ACOT11: variants seen among roughly 807,000 people sequenced by gnomAD.
ACOT11 encodes the protein acyl-CoA thioesterase 11, also known as acyl-coenzyme A thioesterase 11.
In ACOT11, 69 loss-of-function variants were observed where a neutral mutation model predicts 77.5. The observed-to-expected ratio is 0.89, with a 90% CI of 0.73 to 1.09. ACOT11 has a LOEUF of 1.09. Among genes scored for constraint, ACOT11 ranks in the 50% least tolerant of loss-of-function variants. The probability of loss-of-function intolerance (pLI) is 0.00; values close to 1 mark genes in which losing one functional copy is unlikely to be tolerated. For missense variants in ACOT11, 766 were observed against 813.7 expected (o/e 0.94, Z 0.71); for synonymous variants, 279 against 313.0 (o/e 0.89, Z 1.15).
In ACOT11 at chr1:54,584,652, C is replaced by T. The variant is rs1478156897; in HGVS notation, c.34-3C>T. On this transcript the variant is annotated splice_region_variant and splice_polypyrimidine_tract_variant and intron_variant, in intron 1 of 15. Transcript: ENST00000343744. This position sits in a 1 kb window ranked among gnomAD's most constrained non-coding sequence, Gnocchi z 6.3. ...TCCCCACCTGTCCCCACCTGTACCC[C>T]AGGGCTTGGCCTCTGTGTTCTCCAA... is the stretch of plus-strand genomic sequence containing the variant. 6.2e-7 allele frequency: 1 copy of T among 1,613,748 alleles called. No individual in the cohort carries two copies. Among genetic ancestry groups the T allele is most frequent in the Non-Finnish European group, 8.5e-7 (1 of 1,179,832 alleles).
At chr1:54,603,817 T>C in intron 10 of ACOT11, 54 bp from the exon 11 acceptor site, 2 of 1,548,206 alleles carry the variant, frequency 1.3e-6, no homozygotes, top group African/African-American at 2.7e-5. Flanking sequence ...GTAGAGTCTG[T>C]GGAAAGTGCT....
chr1:54,631,139 T>G (rs1338398010), intron 16 of ACOT11, among the ~76,000 whole-genome samples: 3 of 152,174 alleles, frequency 2.0e-5, no homozygotes, highest in Non-Finnish European at 4.4e-5. Flanking sequence ...GATCTTTCTT[T>G]TCCGGAGGAC....
At chr1:54,610,638 G>A, downstream of ACOT11, 5 of 1,542,800 alleles carry the variant, frequency 3.2e-6, no homozygotes, top group Non-Finnish European at 4.4e-6. Context: ...ATAGGCCACA[G>A]CTCTACGGGC....
intron 15 of ACOT11, among the ~76,000 whole-genome samples, chr1:54,629,580 C>T (rs1644289571): frequency 7.5e-6 from 1 of 132,532 alleles, no homozygotes; most frequent in African/African-American, 2.6e-5. Flanking sequence ...GCCCCCGTGC[C>T]CGGCCTGTTT....
At chr1:54,620,530 A>C (rs1397125706) in intron 15 of ACOT11, among the ~76,000 whole-genome samples, 2 of 151,906 alleles carry the variant, frequency 1.3e-5, no homozygotes, top group Non-Finnish European at 2.9e-5. Flanking sequence ...ACATGGTGAA[A>C]CCATGTCTCT....
intron 1 of ACOT11, among the ~76,000 whole-genome samples, chr1:54,580,073 A>G (rs1006195836): frequency 6.6e-6 from 1 of 152,156 alleles, no homozygotes; most frequent in Middle Eastern, 3.2e-3. Context: ...TTTCCTCCCT[A>G]TGATGATTCT....
chr1:54,601,181 ATG>A (rs1161128674), intron 8 of ACOT11, 86 bp from the exon 9 acceptor site: 37 of 1,475,766 alleles, frequency 2.5e-5, no homozygotes, highest in East Asian at 6.9e-5. Flanking sequence ...GCATGTGTGC[ATG>A]TGTGTGTGTG....
downstream of ACOT11, chr1:54,612,769 T>A: frequency 7.6e-7 from 1 of 1,318,366 alleles, no homozygotes; most frequent in South Asian, 1.2e-5. Flanking sequence ...TCCTCTCCTC[T>A]GGGGTCTCAT....
chr1:54,573,294 T>G, intron 1 of ACOT11: 5 of 948,786 alleles, frequency 5.3e-6, no homozygotes, highest in Non-Finnish European at 6.3e-6. Flanking sequence ...GTCTCAGCTC[T>G]GCCCTTTCCT....
intron 15 of ACOT11, chr1:54,616,196 T>C (rs780397360): frequency 6.3e-7 from 1 of 1,578,674 alleles, no homozygotes; most frequent in Non-Finnish European, 8.6e-7. Flanking sequence ...AACAACTCAG[T>C]GAGTTCCTTT....
At chr1:54,596,516 C>A (rs538446387) in intron 6 of ACOT11, among the ~76,000 whole-genome samples, 2 of 152,334 alleles carry the variant, frequency 1.3e-5, no homozygotes, top group East Asian at 3.9e-4. Flanking sequence ...ATCACCAGGG[C>A]AGAAGGCAGG....
At chr1:54,610,332 G>C (rs988427880), downstream of ACOT11, 54 of 1,560,334 alleles carry the variant, frequency 3.5e-5, 1 homozygote, top group Admixed American at 9.5e-4. Flanking sequence ...CATGGCAACA[G>C]AGACCGGCGG....
chr1:54,630,844 A>C, exon 16 of ACOT11: 1 of 765,846 alleles, frequency 1.3e-6, no homozygotes, highest in Non-Finnish European at 2.4e-6. Context: ...GGAATGGAAA[A>C]CTAGCTGGAG....
intron 3 of ACOT11, among the ~76,000 whole-genome samples, chr1:54,586,422 G>T (rs1056832420): frequency 2.0e-5 from 3 of 149,304 alleles, no homozygotes; most frequent in African/African-American, 7.6e-5. Context: ...TACTAAAGTA[G>T]ACTTTTTTTT....
intron 1 of ACOT11, among the ~76,000 whole-genome samples, chr1:54,576,749 T>C (rs1009276074): frequency 5.3e-5 from 8 of 152,146 alleles, no homozygotes; most frequent in African/African-American, 1.9e-4. Flanking sequence ...TTTGTGAGGA[T>C]GGCTTCAGTG....
At chr1:54,597,439 T>A in intron 7 of ACOT11, 24 bp downstream of exon 7, 1 of 1,589,054 alleles carries the variant, frequency 6.3e-7, no homozygotes, top group Non-Finnish European at 8.6e-7. Context: ...GTGCTGCCTC[T>A]GCCTCCCCTC....
At chr1:54,556,052 T>A (rs1277792960) in intron 1 of ACOT11, among the ~76,000 whole-genome samples, 1 of 152,144 alleles carries the variant, frequency 6.6e-6, no homozygotes, top group East Asian at 1.9e-4. Context: ...CTGGCCTGAT[T>A]TTTTTATACA....
At chr1:54,573,297 C>G (rs773271989) in intron 1 of ACOT11, 1 of 943,138 alleles carries the variant, frequency 1.1e-6, no homozygotes, top group Non-Finnish European at 1.3e-6. Flanking sequence ...TCAGCTCTGC[C>G]CTTTCCTGGC....
At chr1:54,556,872 C>T (rs1309982831) in intron 1 of ACOT11, among the ~76,000 whole-genome samples, 2 of 152,038 alleles carry the variant, frequency 1.3e-5, no homozygotes, top group African/African-American at 4.8e-5. Context: ...CGTGAGCCAT[C>T]GCATCTGGTC....
Sources: gnomAD v4.1 joint callset for allele counts (sites outside exome capture counted in the v4.1 genomes callset) on GRCh38, gnomAD v4.1.1 for gene constraint, Gnocchi (gnomAD v3.1) non-coding constraint, MANE v1.5 for transcripts, NCBI Gene and HGNC (gene_info 2026-07-23, HGNC 2026-07-21) for gene names.